Variants in PTH2R observed in about 807,000 individuals in gnomAD.
PTH2R encodes the protein parathyroid hormone 2 receptor.
PTH2R carries 59 observed loss-of-function variants against 60.3 expected under a neutral mutation model. That is an observed-to-expected ratio of 0.98 (90% confidence interval 0.79 to 1.22). The LOEUF (loss-of-function observed/expected upper bound fraction) is 1.22, where lower values mean the gene tolerates loss of function less well. PTH2R is among the 50% of genes most tolerant of loss of function. The probability of loss-of-function intolerance (pLI) is 0.00; values close to 1 mark genes in which losing one functional copy is unlikely to be tolerated. For missense variants in PTH2R, 749 were observed against 682.6 expected, an observed-to-expected ratio of 1.10 and a Z score of -1.08; for synonymous variants, 256 against 243.8, an observed-to-expected ratio of 1.05 and a Z score of -0.47.
intron 9 of PTH2R, among the ~76,000 whole-genome samples, chr2:208,472,533 A>G (rs1702906556): frequency 6.6e-6 from 1 of 152,284 alleles, no homozygotes; most frequent in African/African-American, 2.4e-5. Context: ...TGATGATTAT[A>G]TAAGGGGAAG....
At chr2:208,486,645 C>A (rs1703279722) in intron 10 of PTH2R, among the ~76,000 whole-genome samples, 1 of 152,172 alleles carries the variant, frequency 6.6e-6, no homozygotes, top group Admixed American at 6.5e-5. Context: ...TGAGTTAATT[C>A]TGTCCCCTTT....
intron 1 of PTH2R, among the ~76,000 whole-genome samples, chr2:208,415,276 A>T (rs566235396): frequency 6.6e-6 from 1 of 152,346 alleles, no homozygotes; most frequent in East Asian, 1.9e-4. Flanking sequence ...TAAGATTTAA[A>T]ACATTTAAAA....
intron 1 of PTH2R, among the ~76,000 whole-genome samples, chr2:208,410,745 C>T (rs1490868639): frequency 1.3e-5 from 2 of 151,420 alleles, no homozygotes; most frequent in African/African-American, 2.4e-5. Context: ...GTTTTATGAA[C>T]ATATTCAGAT....
intron 9 of PTH2R, among the ~76,000 whole-genome samples, chr2:208,463,357 C>T: frequency 6.6e-6 from 1 of 152,088 alleles, no homozygotes. Context: ...AGCTTACGGA[C>T]AACCTCTTCA....
At chr2:208,377,606 GC>G (rs1700824411) in intron 1 of PTH2R, among the ~76,000 whole-genome samples, 2 of 149,732 alleles carry the variant, frequency 1.3e-5, no homozygotes, top group Middle Eastern at 3.5e-3. Flanking sequence ...CCCCCCACCT[GC>G]CTCCGGGACA....
chr2:208,387,831 G>A (rs1016731234), intron 1 of PTH2R, among the ~76,000 whole-genome samples: 2 of 152,136 alleles, frequency 1.3e-5, no homozygotes, highest in African/African-American at 4.8e-5. Flanking sequence ...CAAAGATCAG[G>A]AAACGGATGC....
At chr2:208,367,716 A>T (rs1345923458) in intron 1 of PTH2R, among the ~76,000 whole-genome samples, 2 of 152,140 alleles carry the variant, frequency 1.3e-5, no homozygotes, top group Non-Finnish European at 2.9e-5. Flanking sequence ...TACCTCCAGG[A>T]TATTGTGAAT....
chr2:208,365,225 A>T (rs2125865808), intron 1 of PTH2R, among the ~76,000 whole-genome samples: 1 of 152,332 alleles, frequency 6.6e-6, no homozygotes, highest in South Asian at 2.1e-4. Flanking sequence ...TGTCCAGAAC[A>T]GACATTTTTG....
At chr2:208,428,990 C>A (rs1701915384) in intron 2 of PTH2R, among the ~76,000 whole-genome samples, 2 of 151,034 alleles carry the variant, frequency 1.3e-5, no homozygotes, top group East Asian at 1.9e-4. Context: ...GAGGCTGAGG[C>A]AGGAGAATCG....
intron 1 of PTH2R, among the ~76,000 whole-genome samples, chr2:208,410,801 A>G (rs966533251): frequency 6.6e-6 from 1 of 152,150 alleles, no homozygotes; most frequent in African/African-American, 2.4e-5. Flanking sequence ...ATGCTTGTAT[A>G]TGGGAGGTAG....
intron 7 of PTH2R, among the ~76,000 whole-genome samples, chr2:208,445,982 A>G (rs571587653): frequency 6.6e-6 from 1 of 152,142 alleles, no homozygotes; most frequent in African/African-American, 2.4e-5. Context: ...TCCTTTGGAA[A>G]TTTTCTTGAC....
At chr2:208,460,087 C>G in intron 9 of PTH2R, 126 bp downstream of exon 9, 1 of 765,260 alleles carries the variant, frequency 1.3e-6, no homozygotes, top group Non-Finnish European at 2.2e-6. Context: ...ACAGCAACAT[C>G]TATTGGGAGA....
At chr2:208,381,633 T>C (rs1031405888) in intron 1 of PTH2R, among the ~76,000 whole-genome samples, 1 of 152,074 alleles carries the variant, frequency 6.6e-6, no homozygotes, top group East Asian at 1.9e-4. Flanking sequence ...ACACTTACAC[T>C]GCTGCATCTG....
intron 5 of PTH2R, 51 bp downstream of exon 5, chr2:208,442,512 T>A: frequency 7.3e-7 from 1 of 1,362,790 alleles, no homozygotes; most frequent in Middle Eastern, 1.8e-4. Context: ...GTCTTTCCTA[T>A]CCAGAGAAGA....
chr2:208,417,885 G>T (rs532733596), intron 1 of PTH2R, among the ~76,000 whole-genome samples: 1 of 152,028 alleles, frequency 6.6e-6, no homozygotes, highest in Non-Finnish European at 1.5e-5. Context: ...GCTTATCATT[G>T]CAAAACATGA....
intron 9 of PTH2R, among the ~76,000 whole-genome samples, chr2:208,460,383 T>C (rs142497834): frequency 4.6e-4 from 70 of 152,250 alleles, no homozygotes; most frequent in Middle Eastern, 3.4e-3. Flanking sequence ...TAATATGATG[T>C]ATAAAGTATT....
At chr2:208,398,822 T>G (rs888480589) in intron 1 of PTH2R, among the ~76,000 whole-genome samples, 1 of 152,222 alleles carries the variant, frequency 6.6e-6, no homozygotes, top group African/African-American at 2.4e-5. Flanking sequence ...AATTAGACTC[T>G]CTTGAATTCT....
At chr2:208,442,512 T>TCCAGAGAAGACATAGCGGTC in intron 5 of PTH2R, 51 bp downstream of exon 5, 1 of 1,362,790 alleles carries the variant, frequency 7.3e-7, no homozygotes, top group South Asian at 1.2e-5. Context: ...GTCTTTCCTA[T>TCCAGAGAAGACATAGCGGTC]CCAGAGAAGA....
At chr2:208,415,796 G>A (rs562898515) in intron 1 of PTH2R, among the ~76,000 whole-genome samples, 9 of 152,068 alleles carry the variant, frequency 5.9e-5, no homozygotes, top group Non-Finnish European at 1.0e-4. Flanking sequence ...TAAAAAATGA[G>A]GCTGCAATAA....
Sources: gnomAD v4.1 joint callset for allele counts (sites outside exome capture counted in the v4.1 genomes callset) on GRCh38, gnomAD v4.1.1 for gene constraint, MANE v1.5 for transcripts, NCBI Gene and HGNC (gene_info 2026-07-23, HGNC 2026-07-21) for gene names.